The following MPDZ variants were observed in gnomAD, a reference collection of about 807,000 sequenced individuals.
The protein encoded by MPDZ is multiple PDZ domain crumbs cell polarity complex component, also known as multiple PDZ domain protein.
Under a neutral mutation model 239.1 loss-of-function variants are expected in MPDZ, and 234 were observed. The ratio of observed to expected loss-of-function variants is 0.98; its 90% CI spans 0.88 to 1.09. The LOEUF is 1.09. MPDZ is among the 50% of genes least tolerant of loss of function. The pLI, the probability that MPDZ is intolerant of heterozygous loss-of-function variation, is 0.00. For missense variants in MPDZ, 3,175 were observed against 2,510.0 expected (o/e 1.26, Z -5.66); for synonymous variants, 1,048 against 881.3 (o/e 1.19, Z -3.35).
At chr9:13,216,651 C>G (rs1587868984) in intron 10 of MPDZ, 123 bp downstream of exon 10, 2 of 611,876 alleles carry the variant, frequency 3.3e-6, no homozygotes, top group East Asian at 5.8e-5. Context: ...ATAATAGCCT[C>G]AAGTCACCAA....
chr9:13,213,710 T>C (rs1417417385), intron 10 of MPDZ, among the ~76,000 whole-genome samples: 6 of 152,042 alleles, frequency 3.9e-5, no homozygotes, highest in Admixed American at 3.9e-4. Context: ...AAGAAAACAA[T>C]TCAGAGAAAA....
At chr9:13,189,081 AAT>A in intron 16 of MPDZ, 88 bp from the exon 17 acceptor site, 1 of 1,144,546 alleles carries the variant, frequency 8.7e-7, no homozygotes. Context: ...ACGAATGAGT[AAT>A]TGTCTCAAGT....
Position 13,183,487 on chromosome 9 carries a change from T to C in MPDZ, c.2580A>G (p.Leu860=), listed in dbSNP as rs34704118. 5.8e-3 allele frequency: 9,381 copies of C among 1,612,418 alleles called. 39 individuals carry two copies. The highest frequency in any genetic ancestry group is 0.011 in the Middle Eastern group (66 of 6,052). ...CACCACAAGAACTGCCATGAAGAGA[T>C]AAAATAGAGGCTTGAGTAGAGTAGA... The part of the protein sequence containing the change: ...DSIYSTQASI[L]SLHGSSCGDG... The change falls in exon 19 of 47, where the codon TTA becomes TTG. Residue 860 remains leucine, a synonymous_variant. Transcript: ENST00000319217.
At chr9:13,190,674 T>C (rs1447616368) in intron 15 of MPDZ, among the ~76,000 whole-genome samples, 2 of 151,972 alleles carry the variant, frequency 1.3e-5, no homozygotes, top group African/African-American at 4.8e-5. Flanking sequence ...TTATGATAAA[T>C]AAAAACAAGA....
intron 32 of MPDZ, among the ~76,000 whole-genome samples, chr9:13,132,975 A>G (rs145912825): frequency 1.6e-3 from 250 of 152,334 alleles, no homozygotes; most frequent in Non-Finnish European, 1.5e-3. Context: ...ATGATACATT[A>G]AAATCAATAC....
At chr9:13,265,493 T>C (rs1971583804) in intron 1 of MPDZ, among the ~76,000 whole-genome samples, 1 of 152,100 alleles carries the variant, frequency 6.6e-6, no homozygotes, top group Non-Finnish European at 1.5e-5. Context: ...CACTTGAACC[T>C]GGAAGGCAGA....
chr9:13,241,479 T>C (rs2137353913), intron 3 of MPDZ, among the ~76,000 whole-genome samples: 1 of 152,270 alleles, frequency 6.6e-6, no homozygotes, highest in South Asian at 2.1e-4. Flanking sequence ...ACCTAGACAT[T>C]CTTGGAAAGA....
At chr9:13,111,470 T>C (rs914562301) in intron 43 of MPDZ, among the ~76,000 whole-genome samples, 1 of 152,150 alleles carries the variant, frequency 6.6e-6, no homozygotes, top group Non-Finnish European at 1.5e-5. Flanking sequence ...AGAGACTGAG[T>C]TGCGTTAATG....
chr9:13,111,721 T>C (rs558562335), intron 43 of MPDZ, among the ~76,000 whole-genome samples: 10 of 152,378 alleles, frequency 6.6e-5, no homozygotes, highest in Admixed American at 4.6e-4. Context: ...TTTCACTTCA[T>C]ACTGGTGTTC....
chr9:13,119,090 C>A (rs1943939619), intron 39 of MPDZ, among the ~76,000 whole-genome samples: 1 of 152,112 alleles, frequency 6.6e-6, no homozygotes, highest in African/African-American at 2.4e-5. Context: ...AAAATCTTTT[C>A]ATTTTAAAAG....
intron 21 of MPDZ, among the ~76,000 whole-genome samples, chr9:13,174,902 AG>A (rs1952255273): frequency 6.6e-6 from 1 of 152,204 alleles, no homozygotes; most frequent in Non-Finnish European, 1.5e-5. Context: ...CCACTCATCA[AG>A]TAAGCACTGC....
At chr9:13,210,778 A>G (rs908129613) in intron 10 of MPDZ, among the ~76,000 whole-genome samples, 5 of 152,278 alleles carry the variant, frequency 3.3e-5, no homozygotes, top group African/African-American at 1.2e-4. Context: ...TGGGAAGAAG[A>G]GTCAGCTACG....
chr9:13,212,936 G>C (rs1022500833), intron 10 of MPDZ, among the ~76,000 whole-genome samples: 14 of 151,924 alleles, frequency 9.2e-5, no homozygotes, highest in Non-Finnish European at 1.5e-4. Context: ...ACTCAACCTA[G>C]GTTGCCAGGG....
chr9:13,210,422 GT>G (rs75912848), intron 10 of MPDZ, among the ~76,000 whole-genome samples: 77,145 of 145,584 alleles, frequency 0.53, 23,046 homozygotes, highest in Non-Finnish European at 0.68. Context: ...TTAAGAGGAA[GT>G]TTTTTTTTTT....
intron 19 of MPDZ, among the ~76,000 whole-genome samples, chr9:13,179,319 A>G (rs1952956835): frequency 6.6e-6 from 1 of 152,158 alleles, no homozygotes; most frequent in African/African-American, 2.4e-5. Context: ...TGCTAAATTG[A>G]TTATAATAAT....
chr9:13,173,965 T>G (rs558881249), intron 21 of MPDZ, among the ~76,000 whole-genome samples: 63 of 152,270 alleles, frequency 4.1e-4, no homozygotes, highest in Non-Finnish European at 6.8e-4. Flanking sequence ...CATTTATCCT[T>G]CCTTTAGTTC....
At chr9:13,201,737 G>A (rs1956413485) in intron 12 of MPDZ, among the ~76,000 whole-genome samples, 1 of 151,560 alleles carries the variant, frequency 6.6e-6, no homozygotes, top group Non-Finnish European at 1.5e-5. Flanking sequence ...TTGGCTTACT[G>A]TATTATTTAT....
intron 21 of MPDZ, among the ~76,000 whole-genome samples, chr9:13,171,751 T>C (rs912328187): frequency 6.6e-6 from 1 of 152,230 alleles, no homozygotes; most frequent in South Asian, 2.1e-4. Context: ...CAATGGATTA[T>C]GACAGCCTTT....
intron 24 of MPDZ, 89 bp downstream of exon 24, chr9:13,157,929 A>G (rs1014892818): frequency 9.4e-7 from 1 of 1,063,800 alleles, no homozygotes; most frequent in Non-Finnish European, 1.4e-6. Flanking sequence ...AACAAGAAGC[A>G]AGTTGTAATC....
Sources: gnomAD v4.1 joint callset for allele counts (sites outside exome capture counted in the v4.1 genomes callset) on GRCh38, gnomAD v4.1.1 for gene constraint, MANE v1.5 for transcripts, NCBI Gene and HGNC (gene_info 2026-07-23, HGNC 2026-07-21) for gene names.